Variants in DLGAP1 observed in about 807,000 individuals in gnomAD.
DLGAP1 encodes DLG associated protein 1, also known as disks large-associated protein 1.
In DLGAP1, 11 loss-of-function variants were observed where a neutral mutation model predicts 90.8. The observed-to-expected ratio is 0.12, with a 90% CI of 0.08 to 0.20. The LOEUF (loss-of-function observed/expected upper bound fraction) is 0.20, where lower values mean the gene tolerates loss of function less well. Ranked by LOEUF, DLGAP1 falls within the 10% of genes least tolerant of loss-of-function variation. The probability of loss-of-function intolerance (pLI) is 1.00; values close to 1 mark genes in which losing one functional copy is unlikely to be tolerated. For missense variants in DLGAP1, 1,050 were observed against 1,333.8 expected, an observed-to-expected ratio of 0.79 and a Z score of 3.31; for synonymous variants, 558 against 540.7, an observed-to-expected ratio of 1.03 and a Z score of -0.44.
At chr18:4,233,200 A>G (rs1027271311) in intron 1 of DLGAP1, among the ~76,000 whole-genome samples, 1 of 152,120 alleles carries the variant, frequency 6.6e-6, no homozygotes, top group Non-Finnish European at 1.5e-5. Flanking sequence ...TATAGATTTT[A>G]CTTATTTCCC....
At chr18:3,740,976 T>TCAC (rs1315689508) in intron 6 of DLGAP1, among the ~76,000 whole-genome samples, 1 of 77,068 alleles carries the variant, frequency 1.3e-5, no homozygotes, top group Non-Finnish European at 2.6e-5. Context: ...CACCATCACA[T>TCAC]CACCACCACC....
chr18:4,251,235 A>T (rs143865819), intron 1 of DLGAP1, among the ~76,000 whole-genome samples: 1 of 152,228 alleles, frequency 6.6e-6, no homozygotes. Flanking sequence ...CCTCTTAGAC[A>T]TAAATCTTAT....
intron 1 of DLGAP1, among the ~76,000 whole-genome samples, chr18:4,322,886 G>A (rs565512): frequency 0.49 from 72,778 of 149,056 alleles, 18,423 homozygotes; most frequent in African/African-American, 0.63. Context: ...GCATGAACCC[G>A]GGAGGCGGAG....
intron 3 of DLGAP1, among the ~76,000 whole-genome samples, chr18:3,921,463 G>A (rs950078057): frequency 6.6e-6 from 1 of 152,150 alleles, no homozygotes; most frequent in African/African-American, 2.4e-5. Flanking sequence ...CAGAAGACAG[G>A]TTTGAAGTCT....
chr18:3,987,312 G>C (rs567775774), intron 3 of DLGAP1, among the ~76,000 whole-genome samples: 1 of 152,036 alleles, frequency 6.6e-6, no homozygotes, highest in African/African-American at 2.4e-5. Context: ...CCATTTCCTC[G>C]ATTGTTTGGA....
intron 7 of DLGAP1, among the ~76,000 whole-genome samples, chr18:3,615,583 G>C (rs1030620363): frequency 5.9e-5 from 9 of 152,168 alleles, no homozygotes; most frequent in Admixed American, 5.9e-4. Context: ...TGGCCAGTAG[G>C]AAAATGGAGC....
intron 3 of DLGAP1, among the ~76,000 whole-genome samples, chr18:3,989,919 A>G (rs920711461): frequency 2.0e-5 from 3 of 152,212 alleles, no homozygotes; most frequent in African/African-American, 7.2e-5. Flanking sequence ...AATGCAAATC[A>G]AAACCACAAT....
chr18:4,115,199 T>C (rs1254750401), intron 2 of DLGAP1, among the ~76,000 whole-genome samples: 1 of 152,168 alleles, frequency 6.6e-6, no homozygotes, highest in African/African-American at 2.4e-5. Flanking sequence ...TAAAATTCAT[T>C]CCAACAAAAT....
Position 3,879,449 on chromosome 18 carries a change from T to G in DLGAP1, c.620A>C (p.Asn207Thr). The G allele has an allele frequency of 6.2e-7, 1 of 1,607,672 alleles. No individual in the cohort carries two copies. The highest frequency in any genetic ancestry group is 8.5e-7 in the Non-Finnish European group (1 of 1,179,938). ...TSPGWWSSDD[N>T]LDGDMCIYHA... is the part of the protein sequence containing the mutation. ...GTAGATGCACATGTCACCATCCAGGTTGTCGTCCGAGCTCCACCAGCCCGG... is the reference window on the plus strand; with the variant it reads ...GTAGATGCACATGTCACCATCCAGGGTGTCGTCCGAGCTCCACCAGCCCGG... Residue 207 changes from asparagine to threonine, a missense_variant, in exon 4 of 13, where the codon AAC becomes ACC. Coordinates refer to ENST00000315677, the MANE Select transcript of DLGAP1 (RefSeq NM_004746.4). The surrounding 1 kb of genome is among the most constrained non-coding windows in gnomAD (Gnocchi z 6.6).
chr18:3,709,306 C>T (rs926999225), intron 7 of DLGAP1, among the ~76,000 whole-genome samples: 1 of 152,200 alleles, frequency 6.6e-6, no homozygotes. Flanking sequence ...TTACCGAAGA[C>T]ACCCCTTTAG....
intron 2 of DLGAP1, among the ~76,000 whole-genome samples, chr18:4,017,298 G>A (rs746931819): frequency 1.3e-5 from 2 of 152,120 alleles, no homozygotes; most frequent in Non-Finnish European, 2.9e-5. Flanking sequence ...TTGTTCACTC[G>A]TGTACACCAA....
intron 4 of DLGAP1, among the ~76,000 whole-genome samples, chr18:3,860,101 A>AAAAT (rs61248778): frequency 4.9e-5 from 7 of 144,292 alleles, no homozygotes; most frequent in East Asian, 1.9e-4. Flanking sequence ...TCTGTCTCAA[A>AAAAT]AAATAAATAA....
In DLGAP1 at chr18:3,963,800, T is replaced by C. The variant is rs2073259522; in HGVS notation, c.-73+41316A>G. On this transcript the variant is annotated intron_variant, in intron 3 of 12. Transcript: ENST00000315677. ...TTCAGCTCACGTCCAACACCTAGGC[T>C]ATCTGCTGTGACAGCCACTGGCCAC... 2.0e-5 allele frequency among the ~76,000 whole-genome samples: 3 copies of C among 152,110 alleles called. No homozygotes were observed. In the South Asian group the frequency reaches 6.2e-4, roughly 32 times the overall value.
intron 7 of DLGAP1, among the ~76,000 whole-genome samples, chr18:3,681,992 C>T (rs1030796032): frequency 6.6e-6 from 1 of 151,826 alleles, no homozygotes; most frequent in Non-Finnish European, 1.5e-5. Context: ...GTGGCACATG[C>T]CTGTAATCCC....
chr18:4,271,365 AT>A (rs2079276799), intron 1 of DLGAP1, among the ~76,000 whole-genome samples: 1 of 152,200 alleles, frequency 6.6e-6, no homozygotes, highest in Non-Finnish European at 1.5e-5. Flanking sequence ...ATACTACCTA[AT>A]TTCACATATA....
intron 1 of DLGAP1, among the ~76,000 whole-genome samples, chr18:4,433,226 C>T (rs1202410774): frequency 6.6e-6 from 1 of 152,196 alleles, no homozygotes; most frequent in Non-Finnish European, 1.5e-5. Flanking sequence ...GGGGCTAAGT[C>T]ATTTAATTTC....
intron 1 of DLGAP1, among the ~76,000 whole-genome samples, chr18:4,151,492 C>T (rs1057448807): frequency 6.6e-6 from 1 of 151,910 alleles, no homozygotes; most frequent in Admixed American, 6.6e-5. Flanking sequence ...AATCAATCAC[C>T]CAGAAAAAAA....
chr18:4,443,065 T>C (rs775092549), intron 1 of DLGAP1, among the ~76,000 whole-genome samples: 13 of 152,262 alleles, frequency 8.5e-5, no homozygotes, highest in Non-Finnish European at 1.5e-4. Flanking sequence ...ATAGAAAAAT[T>C]TGTCAAAAAC....
chr18:3,771,559 CG>C (rs1244564450), intron 5 of DLGAP1: 2 of 152,226 alleles, frequency 1.3e-5, no homozygotes, highest in Non-Finnish European at 2.9e-5. Context: ...CGGGACGTGC[CG>C]TGTGTACTGC....
Sources: allele counts gnomAD v4.1 joint callset (sites outside exome capture counted in the v4.1 genomes callset), GRCh38; gene constraint gnomAD v4.1.1; non-coding constraint Gnocchi (gnomAD v3.1); transcripts MANE v1.5; gene names NCBI Gene and HGNC (gene_info 2026-07-23, HGNC 2026-07-21).